The following AP2B1 variants were observed in gnomAD, a reference collection of about 807,000 sequenced individuals.
AP2B1 encodes AP-2 complex subunit beta.
A neutral mutation model predicts 102.0 loss-of-function variants in AP2B1; 23 were observed. The observed-to-expected ratio is 0.23, with a 90% CI of 0.16 to 0.32. The LOEUF (loss-of-function observed/expected upper bound fraction) is 0.32, where lower values mean the gene tolerates loss of function less well. Ranked by LOEUF, AP2B1 falls within the 10% of genes least tolerant of loss-of-function variation. AP2B1 has a pLI of 1.00. For synonymous variants in AP2B1, 381 were observed against 421.2 expected (o/e 0.90, Z 1.17); for missense variants, 541 against 1,157.4 (o/e 0.47, Z 7.73).
chr17:35,626,462 G>C (rs1240829530), intron 6 of AP2B1, among the ~76,000 whole-genome samples, 159 bp from the exon 7 acceptor site: 2 of 152,020 alleles, frequency 1.3e-5, no homozygotes, highest in African/African-American at 4.8e-5. Context: ...CTTCTGCATT[G>C]TTGGATCCCA....
At chr17:35,656,871 C>T (rs1002070068) in intron 13 of AP2B1, among the ~76,000 whole-genome samples, 1 of 126,566 alleles carries the variant, frequency 7.9e-6, no homozygotes, top group Non-Finnish European at 1.6e-5. Flanking sequence ...GGCGACAGAG[C>T]GAGACTCCGT....
intron 18 of AP2B1, among the ~76,000 whole-genome samples, chr17:35,705,684 G>T (rs988184309): frequency 6.6e-6 from 1 of 152,032 alleles, no homozygotes; most frequent in Non-Finnish European, 1.5e-5. Context: ...ACCACGCCCA[G>T]CTAATTTTTG....
chr17:35,659,846 T>G, intron 14 of AP2B1: 1 of 985,414 alleles, frequency 1.0e-6, no homozygotes, highest in Non-Finnish European at 1.2e-6. Context: ...GAGAAGAAAT[T>G]AAAGCCCTTA....
chr17:35,653,144 G>C (rs1238291830), intron 13 of AP2B1, among the ~76,000 whole-genome samples: 1 of 152,028 alleles, frequency 6.6e-6, no homozygotes, highest in African/African-American at 2.4e-5. Context: ...TATTCCCTTA[G>C]GGAAATTACC....
intron 17 of AP2B1, 46 bp downstream of exon 17, chr17:35,674,367 C>A: frequency 6.2e-7 from 1 of 1,605,452 alleles, no homozygotes; most frequent in Non-Finnish European, 8.5e-7. Context: ...AACAGTTTGC[C>A]TTAGAACCAA....
intron 4 of AP2B1, among the ~76,000 whole-genome samples, chr17:35,607,189 GCCA>G (rs1414678352): frequency 1.3e-5 from 2 of 152,120 alleles, no homozygotes; most frequent in Non-Finnish European, 2.9e-5. Context: ...ACAGGCGTGA[GCCA>G]CCATGTCCAG....
chr17:35,685,849 G>A (rs1239689686), intron 18 of AP2B1, among the ~76,000 whole-genome samples: 3 of 151,710 alleles, frequency 2.0e-5, no homozygotes, highest in Admixed American at 1.3e-4. Flanking sequence ...TGCAACCTCC[G>A]CCTCCCAGGT....
chr17:35,661,958 G>A (rs1187559579), intron 14 of AP2B1, among the ~76,000 whole-genome samples: 1 of 152,176 alleles, frequency 6.6e-6, no homozygotes, highest in African/African-American at 2.4e-5. Flanking sequence ...AACTGTCACA[G>A]TCAGGAAATA....
At chr17:35,645,447 A>G (rs1241365160) in intron 12 of AP2B1, among the ~76,000 whole-genome samples, 2 of 152,202 alleles carry the variant, frequency 1.3e-5, no homozygotes, top group African/African-American at 4.8e-5. Flanking sequence ...ATTATTAGTT[A>G]GGGGGAAAAA....
intron 18 of AP2B1, among the ~76,000 whole-genome samples, chr17:35,693,017 TGGGG>T (rs985088318): frequency 3.9e-5 from 4 of 103,452 alleles, no homozygotes; most frequent in African/African-American, 1.5e-4. Context: ...CGCGGGGCGG[TGGGG>T]GGAGGGGCGG....
intron 19 of AP2B1, 144 bp from the exon 20 acceptor site, chr17:35,710,090 A>C: frequency 2.9e-6 from 2 of 685,180 alleles, no homozygotes; most frequent in Non-Finnish European, 5.3e-6. Flanking sequence ...ACTTTTGTAG[A>C]GCTCAGCATT....
chr17:35,620,267 G>A (rs2074135953), intron 5 of AP2B1, among the ~76,000 whole-genome samples: 1 of 151,910 alleles, frequency 6.6e-6, no homozygotes, highest in Non-Finnish European at 1.5e-5. Context: ...GACTGCATGA[G>A]GCCAGGAATT....
intron 13 of AP2B1, among the ~76,000 whole-genome samples, chr17:35,651,824 A>G (rs2075093474): frequency 2.0e-5 from 3 of 152,196 alleles, no homozygotes; most frequent in Admixed American, 2.0e-4. Flanking sequence ...TGTGAGCTTC[A>G]TAAGGATTAG....
chr17:35,622,920 C>T (rs748268038), intron 5 of AP2B1, among the ~76,000 whole-genome samples: 1 of 152,118 alleles, frequency 6.6e-6, no homozygotes, highest in Non-Finnish European at 1.5e-5. Flanking sequence ...CCATCTCAGC[C>T]TCCCAAAGTG....
intron 18 of AP2B1, among the ~76,000 whole-genome samples, chr17:35,689,631 C>G (rs587651155): frequency 6.6e-6 from 1 of 152,222 alleles, no homozygotes; most frequent in Non-Finnish European, 1.5e-5. Context: ...GTAAAGTGCA[C>G]ATATTATGGT....
intron 19 of AP2B1, 144 bp from the exon 20 acceptor site, chr17:35,710,085 TGTAGA>T: frequency 1.5e-6 from 1 of 680,914 alleles, no homozygotes; most frequent in Non-Finnish European, 2.7e-6. Context: ...ATAGCACTTT[TGTAGA>T]GCTCAGCATT....
chr17:35,627,735 C>T lies in AP2B1; in HGVS notation c.1155+9C>T. 1 of 1,612,186 alleles carries T rather than the reference C, an allele frequency of 6.2e-7. No individual in the cohort carries two copies. The highest frequency in any genetic ancestry group is 2.2e-5 in the East Asian group (1 of 44,874). On this transcript the variant is annotated intron_variant, in intron 9 of 21. Transcript: ENST00000610402. Reference sequence around the variant, plus strand: ...GTGCCATCAAGGTGGAGGCAAGTGTCTGATGGTAGTTAGGATCATGTATTG... The same window carrying T: ...GTGCCATCAAGGTGGAGGCAAGTGTTTGATGGTAGTTAGGATCATGTATTG...
At chr17:35,675,662 C>CTTG (rs1353588519) in intron 17 of AP2B1, among the ~76,000 whole-genome samples, 1 of 139,640 alleles carries the variant, frequency 7.2e-6, no homozygotes, top group Non-Finnish European at 1.5e-5. Flanking sequence ...GGGATGGAGT[C>CTTG]TTGCTCTGTT....
rs185816984 is a variant in AP2B1 at position 35,618,792 on chromosome 17, A to G, written c.526-5605A>G. On this transcript the variant is annotated intron_variant, in intron 5 of 21. Transcript: ENST00000610402. ...ACTCCTTTTTTAACAAAATGAGGTC[A>G]AATTTATTATCCTCAACTGCTGCAT... 5.3e-5 allele frequency among the ~76,000 whole-genome samples: 8 copies of G among 152,324 alleles called. No homozygotes were observed. In the East Asian group the frequency reaches 1.3e-3, roughly 26 times the overall value.
Sources: allele counts gnomAD v4.1 joint callset (sites outside exome capture counted in the v4.1 genomes callset), GRCh38; gene constraint gnomAD v4.1.1; transcripts MANE v1.5; gene names NCBI Gene and HGNC (gene_info 2026-07-23, HGNC 2026-07-21).